Variants in USH2A observed in about 807,000 individuals in gnomAD.
The protein encoded by USH2A is Usher syndrome 2A (autosomal recessive, mild).
In USH2A, 443 loss-of-function variants were observed where a neutral mutation model predicts 538.9. The observed-to-expected ratio is 0.82, with a 90% CI of 0.76 to 0.89. The LOEUF is 0.89. USH2A is among the 40% of genes least tolerant of loss of function. The pLI is 0.00. For synonymous variants in USH2A, 2,413 were observed against 2,273.5 expected, an observed-to-expected ratio of 1.06 and a Z score of -1.75; for missense variants, 6,633 against 6,324.8, an observed-to-expected ratio of 1.05 and a Z score of -1.65.
In USH2A at chr1:216,171,291, A is replaced by C. The variant is rs574877369; in HGVS notation, c.4627+3961T>G. ...CAGAATTGGAATTTTAGAGGTTAGA[A>C]CATTGATCATGCAACAAAATCCTCA... On this transcript the variant is annotated intron_variant, in intron 21 of 71. Transcript: ENST00000307340. Among the ~76,000 whole-genome samples, 4 of 152,196 alleles carry C rather than the reference A, an allele frequency of 2.6e-5. No homozygotes were observed. In the East Asian group the frequency reaches 7.7e-4, roughly 29 times the overall value.
intron 61 of USH2A, among the ~76,000 whole-genome samples, chr1:215,715,679 T>G (rs936177050): frequency 2.6e-5 from 4 of 152,246 alleles, no homozygotes; most frequent in Non-Finnish European, 5.9e-5. Flanking sequence ...CCTGCCATTA[T>G]GTTTATGTAA....
At chr1:216,035,382 A>G (rs1669225254) in intron 32 of USH2A, among the ~76,000 whole-genome samples, 2 of 152,160 alleles carry the variant, frequency 1.3e-5, no homozygotes, top group Admixed American at 1.3e-4. Flanking sequence ...ATTCATATAC[A>G]ATCAAGAAAT....
intron 64 of USH2A, among the ~76,000 whole-genome samples, chr1:215,652,376 A>G (rs1314704635): frequency 6.6e-6 from 1 of 152,234 alleles, no homozygotes; most frequent in African/African-American, 2.4e-5. Flanking sequence ...TTGTCCATAG[A>G]CGAATACCTG....
chr1:215,693,116 G>GTACATATATATA, intron 61 of USH2A, among the ~76,000 whole-genome samples: 1 of 133,550 alleles, frequency 7.5e-6, no homozygotes, highest in East Asian at 2.4e-4. Flanking sequence ...GTGTGTATGT[G>GTACATATATATA]TATATATATA....
At chr1:216,343,820 T>C (rs1291072082) in intron 4 of USH2A, among the ~76,000 whole-genome samples, 1 of 152,122 alleles carries the variant, frequency 6.6e-6, no homozygotes, top group African/African-American at 2.4e-5. Context: ...ATATGATGTC[T>C]CTAGAATGAA....
At chr1:216,144,576 A>G (rs947885119) in intron 21 of USH2A, among the ~76,000 whole-genome samples, 3 of 152,210 alleles carry the variant, frequency 2.0e-5, no homozygotes, top group Admixed American at 6.5e-5. Context: ...TCTAAGCTAT[A>G]AAATACATTT....
intron 11 of USH2A, among the ~76,000 whole-genome samples, chr1:216,285,937 C>T (rs564260608): frequency 1.1e-4 from 17 of 152,300 alleles, no homozygotes; most frequent in African/African-American, 2.2e-4. Flanking sequence ...TTGCCTGTAC[C>T]GCTATTGTAT....
chr1:216,166,909 T>A (rs144291958), intron 21 of USH2A, among the ~76,000 whole-genome samples: 408 of 152,232 alleles, frequency 2.7e-3, no homozygotes, highest in African/African-American at 9.4e-3. Context: ...CCCTTTTTTG[T>A]GAAAATGATA....
rs190266242 is a variant in USH2A at position 215,949,008 on chromosome 1, T to C, written c.7121-14213A>G. Among the ~76,000 whole-genome samples the C allele has an allele frequency of 3.9e-5, 6 of 152,254 alleles. No homozygotes were observed. In the East Asian group the frequency reaches 1.2e-3, roughly 29 times the overall value. On this transcript the variant is annotated intron_variant, in intron 37 of 71. Transcript: ENST00000307340. Reference sequence around the variant, plus strand: ...CGTGTTATATCCAGCTAAGTTCATATGACTGAGTGGGCTGGACTCACGTTC... The same window carrying C: ...CGTGTTATATCCAGCTAAGTTCATACGACTGAGTGGGCTGGACTCACGTTC...
At chr1:215,667,702 A>G (rs867321657) in intron 64 of USH2A, among the ~76,000 whole-genome samples, 65 of 152,240 alleles carry the variant, frequency 4.3e-4, no homozygotes, top group African/African-American at 1.5e-3. Flanking sequence ...TGTCTCAGAA[A>G]AAGAAGAAGA....
At chr1:215,801,000 A>C (rs1662313680) in intron 49 of USH2A, among the ~76,000 whole-genome samples, 1 of 152,152 alleles carries the variant, frequency 6.6e-6, no homozygotes, top group African/African-American at 2.4e-5. Flanking sequence ...TCAATGTAAC[A>C]CATTATATCA....
chr1:216,000,293 T>C (rs1038615264), intron 33 of USH2A, 110 bp downstream of exon 33: 9 of 1,425,758 alleles, frequency 6.3e-6, no homozygotes, highest in Non-Finnish European at 8.8e-6. Context: ...ATCACTTCTA[T>C]GCATTTAATC....
intron 32 of USH2A, among the ~76,000 whole-genome samples, chr1:216,036,476 T>C (rs761415623): frequency 1.5e-4 from 23 of 152,182 alleles, no homozygotes; most frequent in Non-Finnish European, 8.8e-5. Flanking sequence ...TATACACATA[T>C]ATTTTAACGA....
At chr1:216,360,206 C>T (rs548605940) in intron 4 of USH2A, among the ~76,000 whole-genome samples, 2 of 152,096 alleles carry the variant, frequency 1.3e-5, no homozygotes, top group African/African-American at 4.8e-5. Flanking sequence ...CTATATCTAA[C>T]CATGGAATAT....
intron 21 of USH2A, among the ~76,000 whole-genome samples, chr1:216,149,371 C>T (rs899460406): frequency 9.2e-5 from 14 of 152,152 alleles, no homozygotes; most frequent in African/African-American, 3.4e-4. Flanking sequence ...GCCAAATCAC[C>T]AAAGCAGTTT....
At position 216,400,295 on chromosome 1, in the gene USH2A, A is replaced by T. The variant is rs369422496; in HGVS notation, c.651+18219T>A. Among the ~76,000 whole-genome samples, 314 of 151,674 alleles carry T rather than the reference A, an allele frequency of 2.1e-3. 15 individuals are homozygous for T. In the South Asian group the frequency reaches 0.063, roughly 31 times the overall value. On this transcript the variant is annotated intron_variant, in intron 3 of 71. Transcript: ENST00000307340. ...CATACAACCATTGAAACAAACTCAA[A>T]CTTGCTATATGGGTTCAAGGGTAAC...
At chr1:215,709,767 A>T (rs1461648127) in intron 61 of USH2A, among the ~76,000 whole-genome samples, 1 of 152,020 alleles carries the variant, frequency 6.6e-6, no homozygotes, top group Non-Finnish European at 1.5e-5. Flanking sequence ...TGAAGAATGT[A>T]GTTGGAGACA....
intron 34 of USH2A, among the ~76,000 whole-genome samples, chr1:215,996,368 T>C (rs1036834363): frequency 2.0e-5 from 3 of 152,156 alleles, no homozygotes; most frequent in Admixed American, 1.3e-4. Flanking sequence ...TTCAGGAATA[T>C]ATAATACTTA....
intron 49 of USH2A, among the ~76,000 whole-genome samples, chr1:215,804,684 T>A (rs1662442049): frequency 6.6e-6 from 1 of 151,704 alleles, no homozygotes. Context: ...ACACTGTTAG[T>A]GGGACTGTAA....
Sources: gnomAD v4.1 joint callset for allele counts (sites outside exome capture counted in the v4.1 genomes callset) on GRCh38, gnomAD v4.1.1 for gene constraint, MANE v1.5 for transcripts, NCBI Gene and HGNC (gene_info 2026-07-23, HGNC 2026-07-21) for gene names.